Variants in PCLO observed in about 807,000 individuals in gnomAD.
PCLO encodes protein piccolo.
A neutral mutation model predicts 427.5 loss-of-function variants in PCLO; 82 were observed. That is an observed-to-expected ratio of 0.19 (90% CI 0.16 to 0.23). The LOEUF is 0.23. Ranked by LOEUF, PCLO falls within the 10% of genes least tolerant of loss-of-function variation. The pLI, the probability that PCLO is intolerant of heterozygous loss-of-function variation, is 1.00. For synonymous variants in PCLO, 2,357 were observed against 2,155.4 expected, an observed-to-expected ratio of 1.09 and a Z score of -2.59; for missense variants, 6,239 against 6,115.9, an observed-to-expected ratio of 1.02 and a Z score of -0.67.
At chr7:82,784,894 T>C (rs1406796355) in intron 22 of PCLO, among the ~76,000 whole-genome samples, 1 of 152,204 alleles carries the variant, frequency 6.6e-6, no homozygotes, top group Non-Finnish European at 1.5e-5. Flanking sequence ...TGGTATTCCA[T>C]TACCTGCCTA....
At chr7:82,777,652 G>T (rs917520227) in intron 22 of PCLO, among the ~76,000 whole-genome samples, 1 of 152,034 alleles carries the variant, frequency 6.6e-6, no homozygotes, top group African/African-American at 2.4e-5. Flanking sequence ...TGGGAAAAGA[G>T]GTCTCTCTTT....
Position 82,818,378 on chromosome 7 carries a change from A to C in PCLO, c.14791+4117T>G, listed in dbSNP as rs146083958. On this transcript the variant is annotated intron_variant, in intron 20 of 24. Coordinates refer to ENST00000333891, the MANE Select transcript of PCLO (RefSeq NM_033026.6). The stretch of plus-strand genomic sequence containing the variant: ...TCTTGATAGAAATGCCTACAGATGG[A>C]CCCGCAGCCTTTTCTAATGGAGCTA... 4.6e-5 allele frequency among the ~76,000 whole-genome samples: 7 copies of C among 152,240 alleles called. No individual in the cohort carries two copies. The East Asian group carries it at 1.4e-3, about 29-fold the overall frequency.
In PCLO at chr7:82,822,687, T is replaced by C. The variant is rs759201455; in HGVS notation, c.14599A>G (p.Met4867Val). Residue 4867 changes from methionine (M) to valine (V), a missense_variant and splice_region_variant, in exon 20 of 25, where the codon ATG becomes GTG. Physicochemically the swap from Met to Val is conservative, Grantham distance 21. Transcript: ENST00000333891. ...HGIFPDPSKD[M>V]QVPTIEKSHS... ...GATTTCTCAATGGTGGGAACCTGCA[T>C]GTCTGGTCACAAAAGGGTAAAACAT... 5 of 1,612,544 alleles carry C rather than the reference T, an allele frequency of 3.1e-6. No individual in the cohort carries two copies. The highest frequency in any genetic ancestry group is 2.2e-5 in the East Asian group (1 of 44,892).
At chr7:83,093,492 A>ATATATTTTTTTTTTTTTTTTTTTT in intron 3 of PCLO, among the ~76,000 whole-genome samples, 7 of 59,316 alleles carry the variant, frequency 1.2e-4, no homozygotes, top group African/African-American at 1.6e-4. Context: ...ATATATATAT[A>ATATATTTTTTTTTTTTTTTTTTTT]TTTTTTTTTT....
chr7:82,797,184 C>A (rs946635542), intron 22 of PCLO, among the ~76,000 whole-genome samples: 1 of 151,862 alleles, frequency 6.6e-6, no homozygotes, highest in African/African-American at 2.4e-5. Context: ...TATAAAGATA[C>A]TTAAGAAAAT....
chr7:82,982,981 AAAATT>A lies in PCLO; in HGVS notation c.3301-16499_3301-16495del, dbSNP rs574759840. Among the ~76,000 whole-genome samples the A allele has an allele frequency of 2.9e-3, 436 of 151,800 alleles. 2 individuals carry two copies. The highest frequency in any genetic ancestry group is 0.01 in the African/African-American group (419 of 41,530). ...TTTAATTTTCTCACCTGTGATTGGG[AAAATT>A]AAATTAACACCTACTCTAATAACAC... On this transcript the variant is annotated intron_variant, in intron 3 of 24. Transcript: ENST00000333891.
intron 3 of PCLO, among the ~76,000 whole-genome samples, chr7:82,986,620 C>T (rs941128313): frequency 1.3e-5 from 2 of 151,726 alleles, no homozygotes; most frequent in Non-Finnish European, 3.0e-5. Context: ...TACAGATGCA[C>T]AAGATGCTGA....
chr7:83,117,348 G>A (rs182190063), intron 3 of PCLO, among the ~76,000 whole-genome samples: 1 of 152,232 alleles, frequency 6.6e-6, no homozygotes, highest in African/African-American at 2.4e-5. Context: ...TTGCCTCAGT[G>A]GGTGCACTTT....
In PCLO at chr7:83,038,064, T is replaced by TA. The variant is rs1491411754; in HGVS notation, c.3301-71578_3301-71577insT. Among the ~76,000 whole-genome samples the TA allele has an allele frequency of 1.4e-3, 64 of 45,716 alleles. 3 individuals carry two copies. The highest frequency in any genetic ancestry group is 5.5e-3 in the African/African-American group (56 of 10,234). The allele number at this position is 45,716 out of a possible 152,430, so 30.0% of individuals were successfully genotyped here. On this transcript the variant is annotated intron_variant, in intron 3 of 24. Coordinates refer to ENST00000333891, the MANE Select transcript of PCLO (RefSeq NM_033026.6). The stretch of plus-strand genomic sequence containing the variant: ...TTATATATATATCTTTATATATATA[T>TA]TTATATATTTATATATATATCTTTA...
In PCLO at chr7:82,955,378, A is replaced by T. The variant is rs1795486277; in HGVS notation, c.5575T>A (p.Tyr1859Asn). ...GGGTCTGACTCTATGCTAGGTGAAT[A>T]TTCAGAACAAGAAGATCTATGGAGC... is the stretch of plus-strand genomic sequence containing the variant. ...EELHRSSCSE[Y>N]SPSIESDPEG... Residue 1859 changes from tyrosine to asparagine, a missense_variant, in exon 5 of 25, where the codon TAT becomes AAT. Physicochemically the swap from Tyr to Asn is moderately radical, Grantham distance 143 (BLOSUM62 -2). Transcript: ENST00000333891. The T allele has an allele frequency of 6.2e-7, 1 of 1,613,760 alleles. No individual in the cohort carries two copies. The highest frequency in any genetic ancestry group is 1.7e-5 in the Admixed American group (1 of 59,988).
At chr7:82,829,409 T>C (rs962164352) in intron 16 of PCLO, among the ~76,000 whole-genome samples, 4 of 152,112 alleles carry the variant, frequency 2.6e-5, no homozygotes, top group African/African-American at 7.2e-5. Flanking sequence ...GTGAATCTAA[T>C]ATGTAGCGAA....
chr7:82,833,782 A>G (rs1192662783), intron 16 of PCLO, among the ~76,000 whole-genome samples: 4 of 152,160 alleles, frequency 2.6e-5, no homozygotes, highest in African/African-American at 7.2e-5. Flanking sequence ...CTATTGATTG[A>G]AAGCTTATTA....
intron 10 of PCLO, among the ~76,000 whole-genome samples, chr7:82,856,069 C>G (rs1792797569): frequency 6.6e-6 from 1 of 152,082 alleles, no homozygotes; most frequent in Non-Finnish European, 1.5e-5. Context: ...CTAGCTTTGA[C>G]ATTGCACTCT....
intron 10 of PCLO, among the ~76,000 whole-genome samples, chr7:82,865,527 T>C (rs1015922478): frequency 2.0e-5 from 3 of 152,056 alleles, no homozygotes; most frequent in Middle Eastern, 6.8e-3. Flanking sequence ...AACCCACAAA[T>C]ATACATTTAT....
At chr7:82,995,996 C>CT (rs562538515) in intron 3 of PCLO, among the ~76,000 whole-genome samples, 1 of 151,620 alleles carries the variant, frequency 6.6e-6, no homozygotes, top group South Asian at 2.1e-4. Flanking sequence ...AATTCTCATC[C>CT]TTTTTGCTTT....
chr7:83,158,833 A>G (rs535140775), intron 1 of PCLO, among the ~76,000 whole-genome samples: 2 of 152,054 alleles, frequency 1.3e-5, no homozygotes, highest in Non-Finnish European at 2.9e-5. Context: ...TGCTATAACT[A>G]TGTAAATAAA....
At chr7:83,016,656 C>CT (rs1788215025) in intron 3 of PCLO, among the ~76,000 whole-genome samples, 1 of 151,958 alleles carries the variant, frequency 6.6e-6, no homozygotes, top group African/African-American at 2.4e-5. Flanking sequence ...AGAAGTCACC[C>CT]TTAAGGAAGA....
At chr7:83,125,188 G>C (rs1199948802) in intron 3 of PCLO, among the ~76,000 whole-genome samples, 1 of 152,112 alleles carries the variant, frequency 6.6e-6, no homozygotes, top group Non-Finnish European at 1.5e-5. Context: ...CGTCTAGGAA[G>C]TGAGGAGCCT....
At chr7:82,871,091 A>G (rs1336618014) in intron 10 of PCLO, among the ~76,000 whole-genome samples, 1 of 151,950 alleles carries the variant, frequency 6.6e-6, no homozygotes, top group East Asian at 1.9e-4. Flanking sequence ...CATACAATAC[A>G]CTGATCCCAC....
Sources: gnomAD v4.1 joint callset for allele counts (sites outside exome capture counted in the v4.1 genomes callset) on GRCh38, gnomAD v4.1.1 for gene constraint, MANE v1.5 for transcripts, NCBI Gene and HGNC (gene_info 2026-07-23, HGNC 2026-07-21) for gene names.